Variants in ADCY2 observed in about 807,000 individuals in gnomAD.
The protein encoded by ADCY2 is adenylate cyclase 2.
Under a neutral mutation model 125.2 loss-of-function variants are expected in ADCY2, and 31 were observed. That is an observed-to-expected ratio of 0.25 (90% CI 0.19 to 0.33). ADCY2 has a LOEUF of 0.33. Ranked by LOEUF, ADCY2 falls within the 10% of genes least tolerant of loss-of-function variation. The pLI is 1.00. For missense variants in ADCY2, 904 were observed against 1,418.2 expected (o/e 0.64, Z 5.82); for synonymous variants, 512 against 548.4 (o/e 0.93, Z 0.93).
chr5:7,784,929 A>G (rs987468772), intron 19 of ADCY2, among the ~76,000 whole-genome samples: 2 of 152,206 alleles, frequency 1.3e-5, no homozygotes, highest in African/African-American at 2.4e-5. Context: ...TTGCAATGCA[A>G]ATGAAACTGT....
rs546386099 is a variant in ADCY2 at position 7,446,782 on chromosome 5, A to G, written c.408+32012A>G. Among the ~76,000 whole-genome samples, 10 of 152,254 alleles carry G rather than the reference A, an allele frequency of 6.6e-5. No homozygotes were observed. In the South Asian group the frequency reaches 1.5e-3, roughly 22 times the overall value. On this transcript the variant is annotated intron_variant, in intron 2 of 24. Transcript: ENST00000338316. ...GATACATAGTCTTGCCATGCGGTCT[A>G]TTTGTTTTATTTGCTTATTTTAAAA...
At chr5:7,406,900 T>G (rs1297633954) in intron 1 of ADCY2, among the ~76,000 whole-genome samples, 2 of 152,254 alleles carry the variant, frequency 1.3e-5, no homozygotes, top group Admixed American at 6.5e-5. Flanking sequence ...ATGCTATGTC[T>G]GTCTCTCTCT....
At chr5:7,713,719 GT>G (rs1458348324) in intron 11 of ADCY2, among the ~76,000 whole-genome samples, 2 of 152,080 alleles carry the variant, frequency 1.3e-5, no homozygotes, top group Non-Finnish European at 2.9e-5. Context: ...CGGGCACAGA[GT>G]TTTACTTTAA....
chr5:7,749,369 C>T (rs1002070987), intron 15 of ADCY2, among the ~76,000 whole-genome samples: 2 of 152,018 alleles, frequency 1.3e-5, no homozygotes, highest in Admixed American at 6.5e-5. Flanking sequence ...ATGTTTTATA[C>T]ATATAATAGT....
intron 1 of ADCY2, among the ~76,000 whole-genome samples, chr5:7,413,307 T>G (rs955227363): frequency 6.6e-6 from 1 of 152,070 alleles, no homozygotes; most frequent in African/African-American, 2.4e-5. Flanking sequence ...TTCTTTTTTC[T>G]TTTTTGAGAC....
chr5:7,740,060 A>G (rs1742365491), intron 14 of ADCY2, among the ~76,000 whole-genome samples: 1 of 152,004 alleles, frequency 6.6e-6, no homozygotes, highest in Non-Finnish European at 1.5e-5. Context: ...ATTCATGGAA[A>G]GAGGCTAAAA....
chr5:7,500,489 T>C (rs1743521655), intron 2 of ADCY2, among the ~76,000 whole-genome samples: 1 of 152,192 alleles, frequency 6.6e-6, no homozygotes, highest in Admixed American at 6.5e-5. Context: ...CAAAAACTCA[T>C]GTTGACAGTG....
chr5:7,814,948 T>TC (rs1428223325), intron 22 of ADCY2, among the ~76,000 whole-genome samples: 2 of 151,992 alleles, frequency 1.3e-5, no homozygotes, highest in Non-Finnish European at 2.9e-5. Context: ...CTGGTTCCCC[T>TC]CCCCCCGACC....
intron 4 of ADCY2, among the ~76,000 whole-genome samples, chr5:7,665,524 C>T (rs2973331): frequency 0.74 from 112,893 of 152,044 alleles, 42,817 homozygotes; most frequent in East Asian, 1. Flanking sequence ...TGTGTGACTC[C>T]CCCCTTTGCA....
chr5:7,770,419 T>TG (rs1279185657), intron 17 of ADCY2, among the ~76,000 whole-genome samples: 1 of 152,228 alleles, frequency 6.6e-6, no homozygotes, highest in Non-Finnish European at 1.5e-5. Flanking sequence ...AACTGGTTGA[T>TG]AACTTTAATT....
chr5:7,678,749 T>C (rs1185400861), intron 4 of ADCY2, among the ~76,000 whole-genome samples: 1 of 152,212 alleles, frequency 6.6e-6, no homozygotes, highest in Non-Finnish European at 1.5e-5. Context: ...GTAATATACC[T>C]CATCATTTCT....
chr5:7,491,680 C>G (rs898534769), intron 2 of ADCY2, among the ~76,000 whole-genome samples: 2 of 152,042 alleles, frequency 1.3e-5, no homozygotes, highest in East Asian at 3.9e-4. Flanking sequence ...ATGTTAAAAT[C>G]ACTACTTTAT....
At chr5:7,412,754 C>T (rs1360640120) in intron 1 of ADCY2, among the ~76,000 whole-genome samples, 1 of 152,250 alleles carries the variant, frequency 6.6e-6, no homozygotes, top group Non-Finnish European at 1.5e-5. Context: ...CACAGACCCA[C>T]AGGCTATGCC....
At chr5:7,645,240 G>A (rs1243460270) in intron 4 of ADCY2, among the ~76,000 whole-genome samples, 2 of 152,102 alleles carry the variant, frequency 1.3e-5, no homozygotes, top group African/African-American at 4.8e-5. Flanking sequence ...ATTGCAAATG[G>A]CCTAAAGAAA....
At position 7,826,864 on chromosome 5, in the gene ADCY2, C is replaced by T; in HGVS notation, c.3269C>T (p.Ala1090Val). 6.2e-7 allele frequency: 1 copy of T among 1,604,548 alleles called. No homozygotes were observed. Among genetic ancestry groups the T allele is most frequent in the Non-Finnish European group, 8.5e-7 (1 of 1,176,682 alleles). The stretch of plus-strand genomic sequence containing the variant: ...AGGTCCCTTTCCCAGAGCAACGTGG[C>T]ATCCTGAAGAGTCACCTTCATTTTG... Reference protein sequence around the residue: ...MSRSLSQSNVAS With the variant: ...MSRSLSQSNVVS Residue 1090 changes from alanine to valine, a missense_variant, in exon 25 of 25, where the codon GCA becomes GTA. Physicochemically the swap from Ala to Val is moderately conservative, Grantham distance 64. Coordinates refer to ENST00000338316, the MANE Select transcript of ADCY2 (RefSeq NM_020546.3).
intron 14 of ADCY2, among the ~76,000 whole-genome samples, chr5:7,740,519 C>A (rs1742377807): frequency 6.6e-6 from 1 of 151,942 alleles, no homozygotes. Context: ...GCATAAAAAA[C>A]ACATAGAATT....
chr5:7,641,104 C>T (rs2126673643), intron 4 of ADCY2, among the ~76,000 whole-genome samples: 1 of 152,258 alleles, frequency 6.6e-6, no homozygotes, highest in Non-Finnish European at 1.5e-5. Context: ...ACTATGAGAC[C>T]CAGTTCTGAT....
intron 4 of ADCY2, among the ~76,000 whole-genome samples, chr5:7,689,383 A>T (rs1740631215): frequency 6.6e-6 from 1 of 152,246 alleles, no homozygotes; most frequent in Admixed American, 6.5e-5. Context: ...ATACTTTCTG[A>T]ATAAATGAAT....
At chr5:7,623,828 C>T (rs1051493496) in intron 3 of ADCY2, among the ~76,000 whole-genome samples, 1 of 152,192 alleles carries the variant, frequency 6.6e-6, no homozygotes, top group Non-Finnish European at 1.5e-5. Context: ...GCATTTCACA[C>T]ACAGATTACA....
Sources: allele counts gnomAD v4.1 joint callset (sites outside exome capture counted in the v4.1 genomes callset), GRCh38; gene constraint gnomAD v4.1.1; transcripts MANE v1.5; gene names NCBI Gene and HGNC (gene_info 2026-07-23, HGNC 2026-07-21).